Variants in SLC35F3 observed in about 807,000 individuals in gnomAD.
The protein encoded by SLC35F3 is putative thiamine transporter SLC35F3.
A neutral mutation model predicts 49.9 loss-of-function variants in SLC35F3; 25 were observed. The observed-to-expected ratio is 0.50, with a 90% confidence interval of 0.37 to 0.70. The LOEUF is 0.70. Ranked by LOEUF, SLC35F3 falls within the 30% of genes least tolerant of loss-of-function variation. SLC35F3 has a pLI of 0.00. For missense variants in SLC35F3, 525 were observed against 639.8 expected, an observed-to-expected ratio of 0.82 and a Z score of 1.94; for synonymous variants, 275 against 265.4, an observed-to-expected ratio of 1.04 and a Z score of -0.35.
chr1:234,076,464 AT>A (rs113403039), intron 2 of SLC35F3, among the ~76,000 whole-genome samples: 2,217 of 144,472 alleles, frequency 0.015, 19 homozygotes, highest in African/African-American at 0.035. Context: ...CATCATAATA[AT>A]TTTTTTTTTT....
intron 2 of SLC35F3, among the ~76,000 whole-genome samples, chr1:233,969,238 CA>C (rs1662952764): frequency 6.6e-6 from 1 of 152,194 alleles, no homozygotes; most frequent in Non-Finnish European, 1.5e-5. Context: ...TTTCCCCTTC[CA>C]CGAAGACCAG....
intron 2 of SLC35F3, among the ~76,000 whole-genome samples, chr1:234,219,677 T>A (rs1420403757): frequency 6.6e-6 from 1 of 152,230 alleles, no homozygotes; most frequent in Non-Finnish European, 1.5e-5. Context: ...GCACTCTTGC[T>A]TGCCGTCATT....
At position 234,108,602 on chromosome 1, in the gene SLC35F3, GATATATATTTATATATAAAAGAT is replaced by G. The variant is rs1291571223; in HGVS notation, c.284-122790_284-122768del. Among the ~76,000 whole-genome samples the G allele has an allele frequency of 3.0e-4, 27 of 88,968 alleles. No individual in the cohort carries two copies. The South Asian group carries it at 6.0e-3, about 20-fold the overall frequency. 58.4% of individuals were successfully genotyped at this position (88,968 alleles called of 152,430 possible). A position where few individuals can be genotyped will look rare whatever the true frequency, so the allele number is the denominator to read the frequency against. ...ATATATAAAAGATATACATATAAAA[GATATATATTTATATATAAAAGAT>G]ATATATATTTATATATAAAAGATAC... On this transcript the variant is annotated intron_variant, in intron 2 of 7. Coordinates refer to ENST00000366618, the MANE Select transcript of SLC35F3 (RefSeq NM_173508.4).
Position 233,932,310 on chromosome 1 carries a change from TTGGTCTTGC to T in SLC35F3, c.283+26555_283+26563del, listed in dbSNP as rs1662256508. Among the ~76,000 whole-genome samples, 3 of 150,688 alleles carry T rather than the reference TTGGTCTTGC, an allele frequency of 2.0e-5. No individual in the cohort carries two copies. The South Asian group carries it at 6.3e-4, about 32-fold the overall frequency. ...TAAAGTATAACAAAAAAAGAAGGGG[TTGGTCTTGC>T]TGTCTCAGGGGTGGCAGAGGCATAA... On this transcript the variant is annotated intron_variant, in intron 2 of 7. Transcript: ENST00000366618.
chr1:234,320,719 C>T lies in SLC35F3; in HGVS notation c.1237+532C>T, dbSNP rs595593. 0.33 allele frequency among the ~76,000 whole-genome samples: 49,909 copies of T among 151,986 alleles called. 8,560 individuals carry two copies. The highest frequency in any genetic ancestry group is 0.55 in the East Asian group (2,829 of 5,134). Reference sequence around the variant, plus strand: ...CCTCCGGGAAGACAGGGAGAGAACGCCCTTTGCCCAGGAACTCGGGACTGC... The same window carrying T: ...CCTCCGGGAAGACAGGGAGAGAACGTCCTTTGCCCAGGAACTCGGGACTGC... On this transcript the variant is annotated intron_variant, in intron 7 of 7. Coordinates refer to ENST00000366618, the MANE Select transcript of SLC35F3 (RefSeq NM_173508.4). The surrounding 1 kb of genome is among the most constrained non-coding windows in gnomAD (Gnocchi z 4.8).
intron 2 of SLC35F3, among the ~76,000 whole-genome samples, chr1:234,183,611 G>A (rs1359532263): frequency 1.4e-5 from 2 of 142,600 alleles, no homozygotes; most frequent in African/African-American, 2.4e-5. Context: ...ATACTGTGTC[G>A]CTGGCCTGGT....
intron 2 of SLC35F3, among the ~76,000 whole-genome samples, chr1:234,101,239 C>G (rs186158038): frequency 6.6e-6 from 1 of 152,174 alleles, no homozygotes; most frequent in African/African-American, 2.4e-5. Context: ...ATAGTTGGGT[C>G]TGTTTTCCTT....
intron 2 of SLC35F3, among the ~76,000 whole-genome samples, chr1:234,100,839 G>A (rs1461602306): frequency 6.6e-6 from 1 of 152,204 alleles, no homozygotes; most frequent in Non-Finnish European, 1.5e-5. Context: ...CTGCCAGAAA[G>A]TGCGATGCCA....
At chr1:234,200,196 G>A (rs931443370) in intron 2 of SLC35F3, among the ~76,000 whole-genome samples, 2 of 152,158 alleles carry the variant, frequency 1.3e-5, no homozygotes, top group African/African-American at 4.8e-5. Context: ...CATGTTTATC[G>A]AGGTTTTGAT....
chr1:233,999,483 G>T (rs1297970413), intron 2 of SLC35F3, among the ~76,000 whole-genome samples: 2 of 152,180 alleles, frequency 1.3e-5, no homozygotes, highest in African/African-American at 4.8e-5. Context: ...ATGCCATCCA[G>T]GCTGATCTCT....
chr1:233,946,181 C>T (rs557290238), intron 2 of SLC35F3, among the ~76,000 whole-genome samples: 1 of 152,358 alleles, frequency 6.6e-6, no homozygotes, highest in East Asian at 1.9e-4. Context: ...AGTGCTGGAG[C>T]AGTCACGGTG....
Position 234,252,385 on chromosome 1 carries a change from T to A in SLC35F3, c.608+20644T>A, listed in dbSNP as rs113043215. On this transcript the variant is annotated intron_variant, in intron 3 of 7. Coordinates refer to ENST00000366618, the MANE Select transcript of SLC35F3 (RefSeq NM_173508.4). ...ATGCTTGGCCCTAAACTATATTTTT[T>A]AAAAATGCTTAAAGACTACTGCTTG... Among the ~76,000 whole-genome samples, 154 of 152,208 alleles carry A rather than the reference T, an allele frequency of 1.0e-3. 1 individual carries two copies. The highest frequency in any genetic ancestry group is 3.5e-3 in the African/African-American group (146 of 41,514).
At chr1:233,978,572 G>A (rs1663129510) in intron 2 of SLC35F3, among the ~76,000 whole-genome samples, 2 of 152,222 alleles carry the variant, frequency 1.3e-5, no homozygotes, top group Admixed American at 1.3e-4. Context: ...GACTGCGGCT[G>A]CAATCCAGGA....
At chr1:234,012,644 A>T (rs138163815) in intron 2 of SLC35F3, among the ~76,000 whole-genome samples, 2,300 of 152,344 alleles carry the variant, frequency 0.015, 39 homozygotes, top group Non-Finnish European at 0.022. Context: ...CCTTGATTTC[A>T]TACAACACAT....
At chr1:234,169,927 C>A (rs1300056537) in intron 2 of SLC35F3, among the ~76,000 whole-genome samples, 1 of 152,172 alleles carries the variant, frequency 6.6e-6, no homozygotes, top group African/African-American at 2.4e-5. Context: ...ACCACCATGC[C>A]AGGCAACTTT....
chr1:234,207,912 G>A (rs905537195), intron 2 of SLC35F3, among the ~76,000 whole-genome samples: 1 of 152,194 alleles, frequency 6.6e-6, no homozygotes, highest in Non-Finnish European at 1.5e-5. Context: ...AGGAGGCTTA[G>A]GTGGAAAGAT....
intron 2 of SLC35F3, among the ~76,000 whole-genome samples, chr1:234,155,190 G>A (rs989030835): frequency 3.2e-4 from 49 of 151,924 alleles, no homozygotes; most frequent in African/African-American, 1.0e-3. Flanking sequence ...GCAAACTCGT[G>A]GATACAGAGG....
intron 2 of SLC35F3, among the ~76,000 whole-genome samples, chr1:234,208,826 AAATACCCATCC>A (rs1016807645): frequency 6.6e-6 from 1 of 152,190 alleles, no homozygotes; most frequent in African/African-American, 2.4e-5. Context: ...AATTGTCATT[AAATACCCATCC>A]AATTCCCAGC....
At chr1:234,284,379 C>T (rs1393726249) in intron 3 of SLC35F3, among the ~76,000 whole-genome samples, 2 of 152,206 alleles carry the variant, frequency 1.3e-5, no homozygotes, top group African/African-American at 4.8e-5. Flanking sequence ...CTGTTTGCCA[C>T]ATAGCACGTG....
Sources: gnomAD v4.1 joint callset for allele counts (sites outside exome capture counted in the v4.1 genomes callset) on GRCh38, gnomAD v4.1.1 for gene constraint, Gnocchi (gnomAD v3.1) non-coding constraint, MANE v1.5 for transcripts, NCBI Gene and HGNC (gene_info 2026-07-23, HGNC 2026-07-21) for gene names.